The following PDE2A variants were observed in gnomAD, a reference collection of about 807,000 sequenced individuals.
The protein encoded by PDE2A is cGMP-dependent 3',5'-cyclic phosphodiesterase.
In PDE2A, 53 loss-of-function variants were observed where a neutral mutation model predicts 133.6. The observed-to-expected ratio is 0.40, with a 90% CI of 0.32 to 0.50. The LOEUF is 0.50. Ranked by LOEUF, PDE2A falls within the 20% of genes least tolerant of loss-of-function variation. The pLI is 0.73. For synonymous variants in PDE2A, 491 were observed against 490.2 expected (o/e 1.00, Z -0.02); for missense variants, 796 against 1,232.4 (o/e 0.65, Z 5.30).
Position 72,582,513 on chromosome 11 carries a change from A to T in PDE2A, c.1782T>A (p.Ala594=). Residue 594 remains alanine, a synonymous_variant, in exon 21 of 31, where the codon GCT becomes GCA. Transcript: ENST00000334456. ...AACTTGCAAAATTGGAGTCAATGGC[A>T]GCCACAGGCTGGATCCCATCATGGA... ...KLLHDGIQPV[A]AIDSNFASFT... 1 of 1,613,660 alleles carries T rather than the reference A, an allele frequency of 6.2e-7. No homozygotes were observed. The highest frequency in any genetic ancestry group is 8.5e-7 in the Non-Finnish European group (1 of 1,179,546).
intron 1 of PDE2A, among the ~76,000 whole-genome samples, chr11:72,661,131 C>G (rs1223407575): frequency 1.3e-5 from 2 of 151,916 alleles, no homozygotes; most frequent in African/African-American, 2.4e-5. Context: ...ATGGTGAAAC[C>G]CCGTCTCTGC....
At chr11:72,673,702 A>C (rs1855436696) in intron 1 of PDE2A, among the ~76,000 whole-genome samples, 2 of 146,958 alleles carry the variant, frequency 1.4e-5, no homozygotes, top group African/African-American at 2.6e-5. Flanking sequence ...CCCCCTCCCC[A>C]CCTCCTTCAC....
At chr11:72,671,398 C>T (rs969776112) in intron 1 of PDE2A, among the ~76,000 whole-genome samples, 21 of 152,160 alleles carry the variant, frequency 1.4e-4, no homozygotes, top group African/African-American at 3.9e-4. Context: ...GCCCGGGGAG[C>T]GCAGGCCTGG....
Position 72,615,026 on chromosome 11 carries a change from C to T in PDE2A, c.145-6275G>A, listed in dbSNP as rs189329503. On this transcript the variant is annotated intron_variant, in intron 2 of 30. Transcript: ENST00000334456. ...CCCGCTCCATGCCCCCATCCCTCCACCCTCCTGCCCACCCTTCGCAGACTC... is the reference window on the plus strand; with the variant it reads ...CCCGCTCCATGCCCCCATCCCTCCATCCTCCTGCCCACCCTTCGCAGACTC... The T allele has an allele frequency of 6.2e-3, 2,840 of 457,080 alleles. 102 individuals carry two copies. The highest frequency in any genetic ancestry group is 0.059 in the Admixed American group (2,615 of 44,648). 28.3% of individuals were successfully genotyped at this position (457,080 alleles called of 1,614,324 possible). A position where few individuals can be genotyped will look rare whatever the true frequency, so the allele number is the denominator to read the frequency against.
Position 72,579,521 on chromosome 11 carries a change from CCAA to C in PDE2A, c.2256+10_2256+12del. 1 of 1,550,476 alleles carries C rather than the reference CCAA, an allele frequency of 6.4e-7. No individual in the cohort carries two copies. Among genetic ancestry groups the C allele is most frequent in the Non-Finnish European group, 8.9e-7 (1 of 1,127,342 alleles). ...CTCCCCCTCAATCCCCACCCCACCC[CCAA>C]CCCCATCACCTTCCGGGAGAAATGA... On this transcript the variant is annotated intron_variant, in intron 26 of 30. Coordinates refer to ENST00000334456, the MANE Select transcript of PDE2A (RefSeq NM_002599.5).
chr11:72,658,111 C>T (rs1052838659), intron 1 of PDE2A: 22 of 456,118 alleles, frequency 4.8e-5, no homozygotes, highest in Non-Finnish European at 8.4e-5. Flanking sequence ...TTACGGATGC[C>T]GGATGTCTTC....
At chr11:72,627,488 G>C (rs1858141450) in intron 2 of PDE2A, among the ~76,000 whole-genome samples, 2 of 152,218 alleles carry the variant, frequency 1.3e-5, no homozygotes, top group Non-Finnish European at 2.9e-5. Context: ...AGGTATTCCA[G>C]ACAGGTGGTC....
At chr11:72,673,185 C>T (rs1036657191) in intron 1 of PDE2A, among the ~76,000 whole-genome samples, 3 of 152,070 alleles carry the variant, frequency 2.0e-5, no homozygotes, top group Non-Finnish European at 4.4e-5. Flanking sequence ...ATTTTGCAGA[C>T]ACAACACACA....
chr11:72,630,688 C>G (rs530597268), intron 2 of PDE2A, among the ~76,000 whole-genome samples: 1 of 152,044 alleles, frequency 6.6e-6, no homozygotes, highest in East Asian at 1.9e-4. Context: ...AAACTGAAAG[C>G]AAGCAGCCAG....
In PDE2A at chr11:72,620,156, C is replaced by T. The variant is rs143703746; in HGVS notation, c.145-11405G>A. On this transcript the variant is annotated intron_variant, in intron 2 of 30. Transcript: ENST00000334456. ...GCAGGTGACCAAGAAAGGGCAGCTT[C>T]CTTTCTTCCTGCCCCACCTTCAGGT... 3.5e-4 allele frequency among the ~76,000 whole-genome samples: 54 copies of T among 152,312 alleles called. No individual in the cohort carries two copies. In the East Asian group the frequency reaches 0.01, roughly 29 times the overall value.
intron 2 of PDE2A, among the ~76,000 whole-genome samples, chr11:72,617,983 C>T (rs1250134653): frequency 6.6e-6 from 1 of 152,194 alleles, no homozygotes; most frequent in Non-Finnish European, 1.5e-5. Flanking sequence ...AGCCACCATG[C>T]TCCCCAGGGC....
intron 2 of PDE2A, chr11:72,635,944 TC>T: frequency 2.6e-6 from 3 of 1,166,322 alleles, no homozygotes; most frequent in South Asian, 3.1e-5. Flanking sequence ...ACCTTCCCGC[TC>T]CCCCTCCACA....
intron 2 of PDE2A, among the ~76,000 whole-genome samples, chr11:72,623,230 T>A (rs763694337): frequency 3.3e-5 from 5 of 152,048 alleles, no homozygotes; most frequent in Admixed American, 3.3e-4. Context: ...CAGCACAATC[T>A]TCCGGTTCCC....
At chr11:72,577,678 G>C in intron 30 of PDE2A, 84 bp from the exon 31 acceptor site, 1 of 1,014,504 alleles carries the variant, frequency 9.9e-7, no homozygotes, top group Non-Finnish European at 1.5e-6. Context: ...ACAACAAATA[G>C]AACTTCCACA....
intron 2 of PDE2A, among the ~76,000 whole-genome samples, chr11:72,632,057 C>T (rs1220791084): frequency 1.3e-5 from 2 of 152,292 alleles, no homozygotes; most frequent in South Asian, 2.1e-4. Flanking sequence ...GGATGAGACA[C>T]CCATCCCTGC....
intron 4 of PDE2A, among the ~76,000 whole-genome samples, chr11:72,599,634 C>T (rs546204431): frequency 6.6e-6 from 1 of 152,302 alleles, no homozygotes; most frequent in African/African-American, 2.4e-5. Context: ...AAGCCTCTAG[C>T]CTCCTAGCTG....
chr11:72,631,540 G>A (rs1591103311), intron 2 of PDE2A, among the ~76,000 whole-genome samples: 1 of 152,228 alleles, frequency 6.6e-6, no homozygotes, highest in African/African-American at 2.4e-5. Context: ...CAGTCACTGG[G>A]CCTCCACAGT....
intron 1 of PDE2A, among the ~76,000 whole-genome samples, chr11:72,657,517 A>C (rs796133396): frequency 1.8e-4 from 27 of 152,046 alleles, no homozygotes; most frequent in African/African-American, 5.8e-4. Context: ...CCCCGCTCAC[A>C]CACGCCAGTA....
At chr11:72,606,829 T>A (rs139644771) in intron 3 of PDE2A, among the ~76,000 whole-genome samples, 3 of 152,306 alleles carry the variant, frequency 2.0e-5, no homozygotes, top group Non-Finnish European at 2.9e-5. Flanking sequence ...AGATTCTCGC[T>A]TCACTTCCGC....
Sources: gnomAD v4.1 joint callset for allele counts (sites outside exome capture counted in the v4.1 genomes callset) on GRCh38, gnomAD v4.1.1 for gene constraint, MANE v1.5 for transcripts, NCBI Gene and HGNC (gene_info 2026-07-23, HGNC 2026-07-21) for gene names.